Variants in FKBP1B observed in about 807,000 individuals in gnomAD.
FKBP1B encodes peptidyl-prolyl cis-trans isomerase FKBP1B.
A neutral mutation model predicts 13.5 loss-of-function variants in FKBP1B; 4 were observed. That is an observed-to-expected ratio of 0.30 (90% confidence interval 0.15 to 0.68). FKBP1B has a LOEUF of 0.68. FKBP1B is among the 30% of genes least tolerant of loss of function. The pLI is 0.76. For missense variants in FKBP1B, 93 were observed against 136.2 expected, an observed-to-expected ratio of 0.68 and a Z score of 1.58; for synonymous variants, 54 against 53.6, an observed-to-expected ratio of 1.01 and a Z score of -0.03.
At chr2:24,042,538 A>C in the FKBP1B span, among the ~76,000 whole-genome samples, 1 of 148,076 alleles carries the variant, frequency 6.8e-6, no homozygotes, top group Non-Finnish European at 1.5e-5. Flanking sequence ...TCCGTCTCAA[A>C]AAAAAAAAAA....
the FKBP1B span, chr2:24,039,324 A>C: frequency 6.2e-7 from 1 of 1,614,220 alleles, no homozygotes. Flanking sequence ...AGACACATTC[A>C]AACTGTCCAA....
rs1479315518 is a variant in FKBP1B at position 24,060,865 on chromosome 2, C to G, written c.137C>G (p.Pro46Arg). 1 of 1,614,042 alleles carries G rather than the reference C, an allele frequency of 6.2e-7. No homozygotes were observed. Among genetic ancestry groups the G allele is most frequent in the African/African-American group, 1.3e-5 (1 of 74,916 alleles). ...KFDSSRDRNK[P>R]FKFRIGKQEV... ...GATTCATCCAGAGACAGAAACAAAC[C>G]TTTCAAGTTCAGAATTGGCAAACAG... The change falls in exon 3 of 4, where the codon CCT (proline) becomes CGT (arginine). Residue 46 changes from proline to arginine, a missense_variant. Transcript: ENST00000380986.
chr2:24,047,622 C>A (rs1558339232), upstream of FKBP1B, among the ~76,000 whole-genome samples: 1 of 152,154 alleles, frequency 6.6e-6, no homozygotes, highest in Non-Finnish European at 1.5e-5. Context: ...CGACCGCAAG[C>A]CCGCCACATT....
At chr2:24,055,303 C>A (rs1465031608) in intron 2 of FKBP1B, among the ~76,000 whole-genome samples, 1 of 151,648 alleles carries the variant, frequency 6.6e-6, no homozygotes, top group Admixed American at 6.6e-5. Context: ...CTCGACCTCT[C>A]GGGCTCAAGT....
At chr2:24,038,503 G>C in the FKBP1B span, 2 of 1,614,202 alleles carry the variant, frequency 1.2e-6, no homozygotes, top group Non-Finnish European at 1.7e-6. Context: ...GACTTTTCTC[G>C]TCATGGTAAC....
intron 3 of FKBP1B, 154 bp from the exon 4 acceptor site, chr2:24,062,910 C>T (rs1448097938): frequency 1.8e-6 from 2 of 1,132,800 alleles, no homozygotes; most frequent in East Asian, 5.1e-5. Flanking sequence ...AAGCTGTTAG[C>T]ACGATTTCAA....
At chr2:24,036,951 TATA>T in the FKBP1B span, among the ~76,000 whole-genome samples, 1 of 152,262 alleles carries the variant, frequency 6.6e-6, no homozygotes, top group Non-Finnish European at 1.5e-5. Flanking sequence ...TAAAAACATG[TATA>T]ATATGATCCC....
intron 3 of FKBP1B, 103 bp downstream of exon 3, chr2:24,061,029 C>A: frequency 1.2e-6 from 1 of 833,354 alleles, no homozygotes; most frequent in Non-Finnish European, 1.9e-6. Context: ...ACCACTACTG[C>A]TTTGACTCTA....
At chr2:24,039,190 G>A in the FKBP1B span, 219,907 of 1,614,076 alleles carry the variant, frequency 0.14, 16,096 homozygotes, top group South Asian at 0.18. Flanking sequence ...AGTCTGAGAC[G>A]TCAGCCATTT....
At chr2:24,057,753 G>A (rs934435118) in intron 2 of FKBP1B, among the ~76,000 whole-genome samples, 1 of 152,118 alleles carries the variant, frequency 6.6e-6, no homozygotes, top group African/African-American at 2.4e-5. Context: ...CTGGGCTCAA[G>A]TGATCCTCCT....
chr2:24,046,055 A>T (rs975426244), upstream of FKBP1B: 6 of 149,978 alleles, frequency 4.0e-5, no homozygotes, highest in African/African-American at 1.5e-4. Context: ...TCAAGGTTAC[A>T]GTAAGCTATG....
chr2:24,039,274 G>A, the FKBP1B span: 11 of 1,614,212 alleles, frequency 6.8e-6, no homozygotes, highest in South Asian at 1.1e-5. Context: ...GAGTAGAACA[G>A]GTGTATCATC....
intron 2 of FKBP1B, among the ~76,000 whole-genome samples, chr2:24,055,331 G>A (rs930914323): frequency 1.3e-5 from 2 of 151,668 alleles, no homozygotes; most frequent in Middle Eastern, 3.4e-3. Context: ...CTGCTTCAGT[G>A]TCCTGACTAG....
the FKBP1B span, among the ~76,000 whole-genome samples, chr2:24,043,540 A>G: frequency 2.0e-5 from 3 of 152,194 alleles, no homozygotes; most frequent in Admixed American, 6.5e-5. Flanking sequence ...CTACAAACAT[A>G]TATAAAGTGA....
chr2:24,061,255 A>G (rs924972552), intron 3 of FKBP1B, among the ~76,000 whole-genome samples: 1 of 152,190 alleles, frequency 6.6e-6, no homozygotes, highest in African/African-American at 2.4e-5. Context: ...AGTTGAGGCC[A>G]GGAGTTCAAG....
intron 2 of FKBP1B, chr2:24,054,312 A>C: frequency 5.1e-6 from 2 of 394,330 alleles, no homozygotes; most frequent in Non-Finnish European, 1.0e-5. Context: ...CTTTCTCTCC[A>C]TCCTGCAGTA....
the FKBP1B span, chr2:24,039,285 T>C: frequency 6.2e-7 from 1 of 1,614,244 alleles, no homozygotes. Context: ...GTGTATCATC[T>C]GCAACAGGTG....
At chr2:24,034,574 C>CTTT in the FKBP1B span, among the ~76,000 whole-genome samples, 10 of 138,034 alleles carry the variant, frequency 7.2e-5, no homozygotes, top group East Asian at 2.1e-4. Context: ...GGCAACAAAA[C>CTTT]TTTTTTTTTT....
At chr2:24,049,926 C>T in intron 1 of FKBP1B, 40 bp downstream of exon 1, 1 of 1,369,770 alleles carries the variant, frequency 7.3e-7, no homozygotes, top group Non-Finnish European at 9.4e-7. Flanking sequence ...GGGAGGGGTC[C>T]CGGGGCGGAG....
Sources: gnomAD v4.1 joint callset for allele counts (sites outside exome capture counted in the v4.1 genomes callset) on GRCh38, gnomAD v4.1.1 for gene constraint, MANE v1.5 for transcripts, NCBI Gene and HGNC (gene_info 2026-07-23, HGNC 2026-07-21) for gene names.